Variants in CNTNAP2 observed in about 807,000 individuals in gnomAD.
CNTNAP2 encodes contactin-associated protein-like 2.
A neutral mutation model predicts 155.2 loss-of-function variants in CNTNAP2; 98 were observed. The ratio of observed to expected loss-of-function variants is 0.63; its 90% confidence interval spans 0.54 to 0.75. The LOEUF (loss-of-function observed/expected upper bound fraction) is 0.75. Ranked by LOEUF, CNTNAP2 falls within the 30% of genes least tolerant of loss-of-function variation. The probability of loss-of-function intolerance (pLI) is 0.00; values close to 1 mark genes in which losing one functional copy is unlikely to be tolerated. For missense variants in CNTNAP2, 1,727 were observed against 1,688.1 expected (o/e 1.02, Z -0.40); for synonymous variants, 651 against 631.2 (o/e 1.03, Z -0.47).
At chr7:148,353,738 G>C (rs568098079) in intron 21 of CNTNAP2, among the ~76,000 whole-genome samples, 8 of 152,284 alleles carry the variant, frequency 5.3e-5, no homozygotes, top group African/African-American at 1.7e-4. Flanking sequence ...CTACATCTTA[G>C]TTGAGATGGC....
intron 9 of CNTNAP2, among the ~76,000 whole-genome samples, chr7:147,381,735 C>A (rs962258823): frequency 6.6e-6 from 1 of 151,884 alleles, no homozygotes; most frequent in African/African-American, 2.4e-5. Flanking sequence ...TTCAATTTTA[C>A]GTTCTTGTAA....
intron 1 of CNTNAP2, among the ~76,000 whole-genome samples, chr7:146,371,295 G>A (rs958560090): frequency 3.5e-4 from 52 of 149,238 alleles, no homozygotes; most frequent in African/African-American, 1.1e-3. Flanking sequence ...CTTGTTCCAT[G>A]TGTATATTTA....
chr7:146,157,149 T>C (rs928185522), intron 1 of CNTNAP2, among the ~76,000 whole-genome samples: 2 of 152,188 alleles, frequency 1.3e-5, no homozygotes, highest in African/African-American at 4.8e-5. Flanking sequence ...TTTTTTTTAA[T>C]GGGCAAGGTG....
At chr7:147,033,822 T>C (rs530913382) in intron 3 of CNTNAP2, among the ~76,000 whole-genome samples, 2 of 146,828 alleles carry the variant, frequency 1.4e-5, no homozygotes, top group South Asian at 4.2e-4. Context: ...AAACACAGGA[T>C]GCTCTTGATA....
chr7:147,284,357 C>A (rs752308716), intron 8 of CNTNAP2, among the ~76,000 whole-genome samples: 11 of 151,838 alleles, frequency 7.2e-5, no homozygotes, highest in African/African-American at 2.7e-4. Context: ...CATAATATTA[C>A]AGTACATGCT....
chr7:146,977,106 G>A (rs544571666), intron 3 of CNTNAP2, among the ~76,000 whole-genome samples: 2 of 152,146 alleles, frequency 1.3e-5, no homozygotes, highest in Non-Finnish European at 2.9e-5. Context: ...ACAGGAGTTA[G>A]AGCCAGAACA....
intron 1 of CNTNAP2, among the ~76,000 whole-genome samples, chr7:146,143,863 A>G (rs1322202782): frequency 6.6e-6 from 1 of 152,034 alleles, no homozygotes; most frequent in Non-Finnish European, 1.5e-5. Flanking sequence ...CCTGGGTTCA[A>G]GCGATTTTCC....
chr7:146,906,313 G>A (rs971590968), intron 3 of CNTNAP2, among the ~76,000 whole-genome samples: 2 of 152,348 alleles, frequency 1.3e-5, no homozygotes, highest in African/African-American at 2.4e-5. Context: ...GCTCAAGGAG[G>A]CCTGGCTGCC....
At chr7:146,973,546 A>C (rs1480723871) in intron 3 of CNTNAP2, among the ~76,000 whole-genome samples, 1 of 152,222 alleles carries the variant, frequency 6.6e-6, no homozygotes, top group Admixed American at 6.5e-5. Context: ...AGGATAATTA[A>C]AAACCATTAG....
At chr7:147,449,993 T>C (rs932075823) in intron 10 of CNTNAP2, among the ~76,000 whole-genome samples, 6 of 152,170 alleles carry the variant, frequency 3.9e-5, no homozygotes, top group Non-Finnish European at 7.3e-5. Flanking sequence ...CATTCTTCTG[T>C]GGTAGGCAAA....
chr7:147,085,877 A>G (rs927099014), intron 4 of CNTNAP2: 1 of 152,204 alleles, frequency 6.6e-6, no homozygotes, highest in African/African-American at 2.4e-5. Context: ...CTGCAACCCA[A>G]ATGTCCTGTG....
At chr7:148,302,813 CTTTTTTTTTTTTT>C (rs59354674) in intron 21 of CNTNAP2, among the ~76,000 whole-genome samples, 2 of 86,938 alleles carry the variant, frequency 2.3e-5, no homozygotes, top group African/African-American at 9.2e-5. Flanking sequence ...CTCGATTATT[CTTTTTTTTTTTTT>C]TTTTTTTTTT....
At chr7:147,232,273 A>G (rs1435419929) in intron 8 of CNTNAP2, among the ~76,000 whole-genome samples, 1 of 152,232 alleles carries the variant, frequency 6.6e-6, no homozygotes, top group Non-Finnish European at 1.5e-5. Flanking sequence ...ACAAATTCAA[A>G]CTAGTCATCA....
chr7:146,646,953 C>T (rs544253547), intron 1 of CNTNAP2, among the ~76,000 whole-genome samples: 1 of 152,238 alleles, frequency 6.6e-6, no homozygotes, highest in South Asian at 2.1e-4. Context: ...CTAGAACACC[C>T]TGGAGAGAAA....
intron 13 of CNTNAP2, among the ~76,000 whole-genome samples, chr7:147,825,716 A>G (rs1798435674): frequency 1.3e-5 from 2 of 152,194 alleles, no homozygotes; most frequent in South Asian, 2.1e-4. Context: ...GCAAATCAAG[A>G]GAAGAAATGA....
chr7:146,358,360 G>A (rs887061768), intron 1 of CNTNAP2, among the ~76,000 whole-genome samples: 6 of 152,128 alleles, frequency 3.9e-5, no homozygotes, highest in Admixed American at 2.0e-4. Flanking sequence ...TGATCCGTAG[G>A]CATCAGATAT....
intron 1 of CNTNAP2, among the ~76,000 whole-genome samples, chr7:146,518,515 A>G (rs73464785): frequency 0.028 from 4,245 of 151,956 alleles, 210 homozygotes; most frequent in African/African-American, 0.097. Flanking sequence ...TAAATCTTCC[A>G]TGAGCTCTGC....
chr7:146,308,591 A>T (rs1310341893), intron 1 of CNTNAP2, among the ~76,000 whole-genome samples: 1 of 152,186 alleles, frequency 6.6e-6, no homozygotes, highest in Non-Finnish European at 1.5e-5. Context: ...ACGTCCATCA[A>T]TGATAGACTG....
At chr7:147,415,162 C>A (rs981569231) in intron 10 of CNTNAP2, among the ~76,000 whole-genome samples, 7 of 152,026 alleles carry the variant, frequency 4.6e-5, no homozygotes, top group African/African-American at 1.2e-4. Context: ...TGGGAGCATA[C>A]AATTGCTTAT....
Sources: gnomAD v4.1 joint callset for allele counts (sites outside exome capture counted in the v4.1 genomes callset) on GRCh38, gnomAD v4.1.1 for gene constraint, MANE v1.5 for transcripts, NCBI Gene and HGNC (gene_info 2026-07-23, HGNC 2026-07-21) for gene names.